Variants in ITSN1 observed in about 807,000 individuals in gnomAD.
ITSN1 encodes the protein intersectin-1.
A neutral mutation model predicts 239.8 loss-of-function variants in ITSN1; 58 were observed. The ratio of observed to expected loss-of-function variants is 0.24; its 90% CI spans 0.20 to 0.30. The LOEUF (loss-of-function observed/expected upper bound fraction) is 0.30. ITSN1 is among the 10% of genes least tolerant of loss of function. The pLI, the probability that ITSN1 is intolerant of heterozygous loss-of-function variation, is 1.00. For missense variants in ITSN1, 1,558 were observed against 2,103.3 expected, an observed-to-expected ratio of 0.74 and a Z score of 5.07; for synonymous variants, 780 against 770.8, an observed-to-expected ratio of 1.01 and a Z score of -0.20.
rs761560907 is a variant in ITSN1 at position 33,875,475 on chromosome 21, G to A, written c.4295G>A (p.Arg1432Gln). The A allele has an allele frequency of 1.4e-5, 23 of 1,614,056 alleles. No individual in the cohort carries two copies. In the East Asian group the frequency reaches 1.6e-4, roughly 11 times the overall value. The change falls in exon 34 of 40, where the codon CGG (arginine) becomes CAG (glutamine). Residue 1432 changes from arginine (R) to glutamine (Q), a missense_variant. Around this residue, in one of 2 missense-constraint regions of ITSN1, gnomAD observed 576 missense variants for 893.3 expected, o/e 0.64. Coordinates refer to ENST00000381318, the MANE Select transcript of ITSN1 (RefSeq NM_003024.3). ...GTGCGGGAGAAGGAGAACTCTGACC[G>A]GCTGGAGTGGATCCAGGCCCACGTG... is the stretch of plus-strand genomic sequence containing the variant. ...EGVREKENSD[R>Q]LEWIQAHVQC... is the part of the protein sequence containing the mutation.
rs764741557 is a variant in ITSN1, at chr21:33,819,310, C to G, written c.3003C>G (p.Val1001=). 6.2e-7 allele frequency: 1 copy of G among 1,613,672 alleles called. No homozygotes were observed. The highest frequency in any genetic ancestry group is 8.5e-7 in the Non-Finnish European group (1 of 1,179,752). The part of the protein sequence containing the change: ...KRVASPAAKP[V]VSGEEFIAMY... The stretch of plus-strand genomic sequence containing the variant: ...TAGCCTCTCCAGCAGCCAAGCCGGT[C>G]GTTTCGGGAGAAGGTGAGGGCCTGA... The change falls in exon 24 of 40, where the codon GTC becomes GTG. Residue 1001 remains valine, a synonymous_variant. Coordinates refer to ENST00000381318, the MANE Select transcript of ITSN1 (RefSeq NM_003024.3).
intron 17 of ITSN1, among the ~76,000 whole-genome samples, chr21:33,796,210 A>G (rs1373698739): frequency 6.6e-6 from 1 of 152,080 alleles, no homozygotes; most frequent in Non-Finnish European, 1.5e-5. Flanking sequence ...TGACCTCGTG[A>G]TCTGCCCTCC....
At chr21:33,699,138 T>A (rs1362891669) in intron 1 of ITSN1, among the ~76,000 whole-genome samples, 1 of 152,152 alleles carries the variant, frequency 6.6e-6, no homozygotes, top group African/African-American at 2.4e-5. Flanking sequence ...TTGAGATATT[T>A]AAAATATACA....
Position 33,898,242 on chromosome 21 carries a change from T to C in ITSN1, c.*9942T>C, listed in dbSNP as rs2148598608. 6.6e-6 allele frequency: 1 copy of C among 152,360 alleles called. No homozygotes were observed. Among genetic ancestry groups the C allele is most frequent in the South Asian group, 2.1e-4 (1 of 4,832 alleles). 9.4% of individuals were successfully genotyped at this position (152,360 alleles called of 1,614,324 possible). Reference sequence around the variant, plus strand: ...TCTGTATCTGGATTGATTCAGTTTATCCCTAATTAGCGTTTGCGTTTTCCA... The same window carrying C: ...TCTGTATCTGGATTGATTCAGTTTACCCCTAATTAGCGTTTGCGTTTTCCA... On this transcript the variant is annotated 3_prime_UTR_variant, in exon 40 of 40. Coordinates refer to ENST00000381318, the MANE Select transcript of ITSN1 (RefSeq NM_003024.3).
Position 33,896,925 on chromosome 21 carries a change from T to C in ITSN1, c.*8625T>C, listed in dbSNP as rs1986816373. The C allele has an allele frequency of 2.0e-5, 3 of 152,366 alleles. No individual in the cohort carries two copies. Among genetic ancestry groups the C allele is most frequent in the Middle Eastern group, 3.4e-3 (1 of 294 alleles). The allele number at this position is 152,366 out of a possible 1,614,324, so 9.4% of individuals were successfully genotyped here. On this transcript the variant is annotated 3_prime_UTR_variant, in exon 40 of 40. Coordinates refer to ENST00000381318, the MANE Select transcript of ITSN1 (RefSeq NM_003024.3). ...GCAAACTCATCTCACCTGGATTTGA[T>C]TGAGTCACCTTGAATGACATAACAA...
intron 1 of ITSN1, among the ~76,000 whole-genome samples, chr21:33,673,311 G>A (rs1033507221): frequency 6.6e-6 from 1 of 152,174 alleles, no homozygotes; most frequent in Non-Finnish European, 1.5e-5. Context: ...TAAAACTAGA[G>A]ATCTAATATT....
intron 1 of ITSN1, among the ~76,000 whole-genome samples, chr21:33,693,605 C>T (rs2091655098): frequency 6.6e-6 from 1 of 152,202 alleles, no homozygotes; most frequent in South Asian, 2.1e-4. Flanking sequence ...GATCTACCCT[C>T]CTCGACCTCC....
chr21:33,682,395 G>T (rs1372400981), intron 1 of ITSN1, among the ~76,000 whole-genome samples: 1 of 151,542 alleles, frequency 6.6e-6, no homozygotes, highest in Non-Finnish European at 1.5e-5. Context: ...TTGTATTTTT[G>T]GTAGAGGCGG....
chr21:33,723,085 A>G (rs575160838), intron 4 of ITSN1, among the ~76,000 whole-genome samples: 77 of 152,368 alleles, frequency 5.1e-4, no homozygotes, highest in Middle Eastern at 3.4e-3. Flanking sequence ...TAACATTAAT[A>G]GATAATAGTG....
chr21:33,833,367 G>A (rs2074406019), intron 27 of ITSN1, among the ~76,000 whole-genome samples: 1 of 152,192 alleles, frequency 6.6e-6, no homozygotes, highest in Non-Finnish European at 1.5e-5. Flanking sequence ...CTTGTGTTCT[G>A]TGTGTACTGC....
intron 4 of ITSN1, among the ~76,000 whole-genome samples, chr21:33,733,704 C>T (rs8133715): frequency 0.044 from 6,723 of 152,074 alleles, 503 homozygotes; most frequent in African/African-American, 0.16. Context: ...CCACGAAATA[C>T]AGAAAAATGA....
intron 29 of ITSN1, among the ~76,000 whole-genome samples, chr21:33,847,794 G>A (rs556509478): frequency 2.6e-5 from 4 of 152,228 alleles, no homozygotes; most frequent in East Asian, 3.9e-4. Flanking sequence ...GGGCCTGGAC[G>A]GATCAGTTTC....
intron 12 of ITSN1, among the ~76,000 whole-genome samples, chr21:33,773,997 TCAGA>T (rs1230162237): frequency 6.6e-6 from 1 of 152,162 alleles, no homozygotes; most frequent in Non-Finnish European, 1.5e-5. Flanking sequence ...TCCTTTTTGT[TCAGA>T]CAGACACTAA....
rs185046106 is a variant in ITSN1, at chr21:33,706,739, T to G, written c.-32-12058T>G. Among the ~76,000 whole-genome samples the G allele has an allele frequency of 7.2e-5, 11 of 152,252 alleles. No homozygotes were observed. In the East Asian group the frequency reaches 2.1e-3, roughly 29 times the overall value. On this transcript the variant is annotated intron_variant, in intron 1 of 39. Coordinates refer to ENST00000381318, the MANE Select transcript of ITSN1 (RefSeq NM_003024.3). Reference sequence around the variant, plus strand: ...TTTGTTCTATCCTTTCAATTCAGGTTTTATTTGTTTATTTATTTATTTATT... The same window carrying G: ...TTTGTTCTATCCTTTCAATTCAGGTGTTATTTGTTTATTTATTTATTTATT...
chr21:33,836,862 C>T, intron 29 of ITSN1: 1 of 765,412 alleles, frequency 1.3e-6, no homozygotes, highest in Non-Finnish European at 2.1e-6. Flanking sequence ...TCCCCTCCCT[C>T]CTTTTTCCTT....
At chr21:33,860,315 G>GAAAAAAAAA (rs537916792) in intron 31 of ITSN1, among the ~76,000 whole-genome samples, 1 of 70,300 alleles carries the variant, frequency 1.4e-5, no homozygotes. Flanking sequence ...CTCAAAAAAA[G>GAAAAAAAAA]AAAAAAAAAA....
At chr21:33,785,650 A>C (rs1420000689) in intron 16 of ITSN1, among the ~76,000 whole-genome samples, 1 of 152,236 alleles carries the variant, frequency 6.6e-6, no homozygotes, top group East Asian at 1.9e-4. Context: ...GTTACAGGTT[A>C]ACAGGTATTT....
rs117664807 is a variant in ITSN1, at chr21:33,645,640, C to T, written c.-33+2927C>T. On this transcript the variant is annotated intron_variant, in intron 1 of 39. Transcript: ENST00000381318. ...ATTCTAGCCTGGGCGACAGAGAGAG[C>T]GAGCCTGTGTCCAAAAAGTAAGTAA... Among the ~76,000 whole-genome samples, 1,330 of 152,066 alleles carry T rather than the reference C, an allele frequency of 8.7e-3. 11 individuals are homozygous for T. Among genetic ancestry groups the T allele is most frequent in the Non-Finnish European group, 0.013 (888 of 67,976 alleles).
chr21:33,668,398 A>G (rs533462983), intron 1 of ITSN1, among the ~76,000 whole-genome samples: 1 of 152,340 alleles, frequency 6.6e-6, no homozygotes, highest in African/African-American at 2.4e-5. Flanking sequence ...CATGAGGAGT[A>G]AGCCAGTGCC....
Sources: gnomAD v4.1 joint callset for allele counts (sites outside exome capture counted in the v4.1 genomes callset) on GRCh38, gnomAD v4.1.1 for gene constraint, gnomAD v4.1.1 regional missense constraint, MANE v1.5 for transcripts, NCBI Gene and HGNC (gene_info 2026-07-23, HGNC 2026-07-21) for gene names.